Variants in DOCK9 observed in about 807,000 individuals in gnomAD.
The protein encoded by DOCK9 is dedicator of cytokinesis protein 9.
Under a neutral mutation model 263.3 loss-of-function variants are expected in DOCK9, and 89 were observed. The ratio of observed to expected loss-of-function variants is 0.34; its 90% CI spans 0.28 to 0.40. DOCK9 has a LOEUF of 0.40. Among genes scored for constraint, DOCK9 ranks in the 10% least tolerant of loss-of-function variants. The pLI, the probability that DOCK9 is intolerant of heterozygous loss-of-function variation, is 1.00. For synonymous variants in DOCK9, 976 were observed against 973.1 expected (o/e 1.00, Z -0.06); for missense variants, 2,140 against 2,603.4 (o/e 0.82, Z 3.87).
chr13:98,970,579 T>C (rs577553456), intron 1 of DOCK9, among the ~76,000 whole-genome samples: 6 of 152,290 alleles, frequency 3.9e-5, no homozygotes, highest in Non-Finnish European at 7.3e-5. Flanking sequence ...CAAAGCAGAA[T>C]ACGAGACTGG....
intron 49 of DOCK9, 30 bp from the exon 50 acceptor site, chr13:98,800,508 A>G: frequency 5.6e-6 from 9 of 1,603,884 alleles, no homozygotes; most frequent in Non-Finnish European, 5.1e-6. Context: ...GAATTACTGC[A>G]TGGCTTGCAC....
In DOCK9 at chr13:98,888,145, A is replaced by G. The variant is rs2046083702; in HGVS notation, c.2043+13T>C. On this transcript the variant is annotated intron_variant, in intron 18 of 52. Coordinates refer to ENST00000682017, the MANE Select transcript of DOCK9 (RefSeq NM_001366683.2). ...AGAATTCGTAGGTGAACATATATTA[A>G]AAAAAAACAAACCTTAAGGGGCTGA... 6.4e-7 allele frequency: 1 copy of G among 1,571,690 alleles called. No homozygotes were observed. The highest frequency in any genetic ancestry group is 8.6e-7 in the Non-Finnish European group (1 of 1,161,274).
rs753630900 is a variant in DOCK9, at chr13:98,923,386, A to T, written c.417-15T>A. 6.2e-7 allele frequency: 1 copy of T among 1,611,334 alleles called. No homozygotes were observed. On this transcript the variant is annotated splice_polypyrimidine_tract_variant and intron_variant, in intron 4 of 52. Transcript: ENST00000682017. ...TGACCACTTTGCTATAAAAACAACAAAGAAAATTTGTTTTAGAAATGCCTA... is the reference window on the plus strand; with the variant it reads ...TGACCACTTTGCTATAAAAACAACATAGAAAATTTGTTTTAGAAATGCCTA...
At chr13:98,836,263 G>A (rs1215011267) in intron 39 of DOCK9, among the ~76,000 whole-genome samples, 1 of 152,174 alleles carries the variant, frequency 6.6e-6, no homozygotes, top group Non-Finnish European at 1.5e-5. Context: ...TGTTGCTGCT[G>A]CTGTTCTGAA....
chr13:98,911,352 T>C (rs1160655579), intron 9 of DOCK9, among the ~76,000 whole-genome samples: 1 of 152,228 alleles, frequency 6.6e-6, no homozygotes, highest in Non-Finnish European at 1.5e-5. Context: ...TTTGAGGTGA[T>C]GGCTATCCCA....
chr13:98,991,199 G>C (rs1302302098), intron 1 of DOCK9, among the ~76,000 whole-genome samples: 12 of 151,964 alleles, frequency 7.9e-5, no homozygotes, highest in Non-Finnish European at 1.2e-4. Context: ...AGCCTCCCCA[G>C]TAGCTAAGAC....
At chr13:99,050,683 C>T (rs1030766283) in intron 1 of DOCK9, among the ~76,000 whole-genome samples, 25 of 152,042 alleles carry the variant, frequency 1.6e-4, no homozygotes, top group African/African-American at 5.3e-4. Context: ...TGCGAGACTC[C>T]GTCTCTAAGT....
chr13:98,832,060 G>A, intron 39 of DOCK9: 1 of 361,052 alleles, frequency 2.8e-6, no homozygotes, highest in Non-Finnish European at 5.0e-6. Flanking sequence ...TTATTAATAT[G>A]TACTCATTTT....
intron 1 of DOCK9, among the ~76,000 whole-genome samples, chr13:99,022,893 G>A (rs11839633): frequency 0.074 from 11,316 of 152,248 alleles, 643 homozygotes; most frequent in East Asian, 0.24. Flanking sequence ...AGGCCGCATT[G>A]AGCTATGACT....
rs573538535 is a variant in DOCK9, at chr13:98,937,407, A to G, written c.244-7150T>C. On this transcript the variant is annotated intron_variant, in intron 2 of 52. Transcript: ENST00000682017. ...AAAAGAAAAAAAGAAAGATAGGTAG[A>G]TAGATAGATAGATGATCGATAGACA... Among the ~76,000 whole-genome samples the G allele has an allele frequency of 3.3e-5, 5 of 152,272 alleles. No homozygotes were observed. In the East Asian group the frequency reaches 9.6e-4, roughly 29 times the overall value.
intron 27 of DOCK9, among the ~76,000 whole-genome samples, chr13:98,870,425 T>C (rs1391328256): frequency 5.9e-5 from 9 of 152,136 alleles, no homozygotes; most frequent in African/African-American, 2.2e-4. Context: ...ACAGCATCAA[T>C]AGATGACCAA....
At chr13:99,056,970 A>T (rs2040955230) in intron 1 of DOCK9, among the ~76,000 whole-genome samples, 1 of 152,240 alleles carries the variant, frequency 6.6e-6, no homozygotes, top group South Asian at 2.1e-4. Context: ...GGATTAGAGC[A>T]GCCTGAGAGA....
At chr13:98,896,041 G>A (rs1019641379) in intron 15 of DOCK9, among the ~76,000 whole-genome samples, 3 of 152,134 alleles carry the variant, frequency 2.0e-5, no homozygotes, top group African/African-American at 4.8e-5. Context: ...AATTCCCTAC[G>A]TGAGCTGTGA....
In DOCK9 at chr13:98,848,717, A is replaced by G. The variant is rs183557641; in HGVS notation, c.4014-78T>C. Reference sequence around the variant, plus strand: ...GGGACGTTATTTATCTGTTAACAATAACAAATTCAATAAACATTATGTCTA... The same window carrying G: ...GGGACGTTATTTATCTGTTAACAATGACAAATTCAATAAACATTATGTCTA... On this transcript the variant is annotated intron_variant, in intron 36 of 52. Transcript: ENST00000682017. The G allele has an allele frequency of 2.7e-5, 37 of 1,388,870 alleles. No individual in the cohort carries two copies. The African/African-American group carries it at 5.0e-4, about 19-fold the overall frequency. The allele number at this position is 1,388,870 out of a possible 1,614,324, so 86.0% of individuals were successfully genotyped here.
intron 1 of DOCK9, among the ~76,000 whole-genome samples, chr13:99,067,701 T>C (rs535930770): frequency 1.8e-4 from 28 of 152,304 alleles, no homozygotes; most frequent in African/African-American, 5.1e-4. Context: ...AAGGAGTAAG[T>C]AGTATGGGTA....
intron 1 of DOCK9, among the ~76,000 whole-genome samples, chr13:98,963,063 C>A (rs2141158672): frequency 6.6e-6 from 1 of 152,268 alleles, no homozygotes; most frequent in Middle Eastern, 3.4e-3. Flanking sequence ...TCTCAAGGGA[C>A]AACATGGACA....
intron 15 of DOCK9, among the ~76,000 whole-genome samples, chr13:98,889,223 A>C (rs2046259707): frequency 6.6e-6 from 1 of 152,162 alleles, no homozygotes; most frequent in Non-Finnish European, 1.5e-5. Flanking sequence ...TGATACAATG[A>C]ACTTTGGCGA....
rs926358887 is a variant in DOCK9 at position 98,925,777 on chromosome 13, T to TC, written c.416+59dup. On this transcript the variant is annotated intron_variant, in intron 4 of 52. Transcript: ENST00000682017. Reference sequence around the variant, plus strand: ...CTGATTGCATATGAAGTTACATACCTCCCCCCAAGCATTTCAAGTACAAAG... The same window carrying TC: ...CTGATTGCATATGAAGTTACATACCTCCCCCCCAAGCATTTCAAGTACAAAG... The TC allele has an allele frequency of 4.1e-5, 48 of 1,177,494 alleles. No individual in the cohort carries two copies. In the African/African-American group the frequency reaches 5.0e-4, roughly 12 times the overall value. The allele number at this position is 1,177,494 out of a possible 1,614,324, so 72.9% of individuals were successfully genotyped here.
chr13:98,964,998 C>G (rs144687119), intron 1 of DOCK9, among the ~76,000 whole-genome samples: 13 of 152,318 alleles, frequency 8.5e-5, no homozygotes, highest in African/African-American at 3.1e-4. Flanking sequence ...AGTCTCTCCT[C>G]TGAAGTAAGC....
Sources: allele counts gnomAD v4.1 joint callset (sites outside exome capture counted in the v4.1 genomes callset), GRCh38; gene constraint gnomAD v4.1.1; transcripts MANE v1.5; gene names NCBI Gene and HGNC (gene_info 2026-07-23, HGNC 2026-07-21).